The following BBOF1 variants were observed in gnomAD, a reference collection of about 807,000 sequenced individuals.
The protein encoded by BBOF1 is basal body orientation factor 1, also known as basal body-orientation factor 1.
A neutral mutation model predicts 68.0 loss-of-function variants in BBOF1; 62 were observed. The observed-to-expected ratio is 0.91, with a 90% CI of 0.74 to 1.13. The LOEUF is 1.13. Ranked by LOEUF, BBOF1 falls within the 50% of genes most tolerant of loss-of-function variation. BBOF1 has a pLI of 0.00. For missense variants in BBOF1, 534 were observed against 600.1 expected (o/e 0.89, Z 1.15); for synonymous variants, 208 against 198.8 (o/e 1.05, Z -0.39).
intron 11 of BBOF1, chr14:74,060,484 C>G: frequency 2.9e-6 from 2 of 683,606 alleles, no homozygotes; most frequent in South Asian, 3.1e-5. Context: ...TAGGCAGTTC[C>G]CTATAGAAAC....
intron 3 of BBOF1, among the ~76,000 whole-genome samples, chr14:74,033,141 G>A (rs913328728): frequency 2.6e-5 from 4 of 152,168 alleles, no homozygotes; most frequent in Non-Finnish European, 5.9e-5. Flanking sequence ...GAGATAAAAG[G>A]TGTGTTAGGT....
intron 9 of BBOF1, among the ~76,000 whole-genome samples, chr14:74,076,173 T>G (rs1348878606): frequency 2.0e-5 from 3 of 152,230 alleles, no homozygotes; most frequent in South Asian, 2.1e-4. Context: ...CTGCATACTT[T>G]AAATATGTAC....
At chr14:74,056,033 T>C (rs2060192744) in intron 9 of BBOF1, among the ~76,000 whole-genome samples, 1 of 135,736 alleles carries the variant, frequency 7.4e-6, no homozygotes, top group African/African-American at 2.9e-5. Flanking sequence ...CAAAGATAAG[T>C]ATTTTTTTTT....
In BBOF1 at chr14:74,039,497, C is replaced by T. The variant is rs186682409; in HGVS notation, c.496-1068C>T. ...AGGTTGGAGTGCAATGATGCAATCT[C>T]GGCTTACTGCAACTTCTGCCTCCTG... On this transcript the variant is annotated intron_variant, in intron 4 of 11. Coordinates refer to ENST00000394009, the MANE Select transcript of BBOF1 (RefSeq NM_025057.3). Among the ~76,000 whole-genome samples the T allele has an allele frequency of 7.2e-5, 11 of 152,132 alleles. No homozygotes were observed. The East Asian group carries it at 1.2e-3, about 16-fold the overall frequency.
intron 5 of BBOF1, among the ~76,000 whole-genome samples, chr14:74,045,338 T>G (rs2059925993): frequency 6.6e-6 from 1 of 152,160 alleles, no homozygotes; most frequent in Admixed American, 6.5e-5. Flanking sequence ...GAGATGGAGT[T>G]TCACTCTTGT....
chr14:74,033,909 A>G, intron 3 of BBOF1, 119 bp from the exon 4 acceptor site: 1 of 510,126 alleles, frequency 2.0e-6, no homozygotes, highest in East Asian at 3.8e-5. Flanking sequence ...TAAAAATAGA[A>G]AAAAGGGGGG....
intron 8 of BBOF1, among the ~76,000 whole-genome samples, 168 bp downstream of exon 8, chr14:74,050,363 A>T (rs575871902): frequency 3.3e-5 from 5 of 152,314 alleles, no homozygotes; most frequent in African/African-American, 7.2e-5. Flanking sequence ...CTCTAGGCTT[A>T]GCATAGCATG....
downstream of BBOF1, among the ~76,000 whole-genome samples, chr14:74,070,518 CA>C (rs537782352): frequency 6.6e-6 from 1 of 151,496 alleles, no homozygotes; most frequent in Non-Finnish European, 1.5e-5. Flanking sequence ...GACTCCATCT[CA>C]AAAAAAAGAA....
intron 9 of BBOF1, among the ~76,000 whole-genome samples, chr14:74,073,001 T>C (rs980868913): frequency 1.3e-5 from 2 of 152,240 alleles, no homozygotes; most frequent in African/African-American, 2.4e-5. Context: ...GGTTTCACCA[T>C]GTCGGCCAGA....
chr14:74,043,584 A>C lies in BBOF1; in HGVS notation c.577-2476A>C, dbSNP rs1342623088. Among the ~76,000 whole-genome samples the C allele has an allele frequency of 4.8e-3, 694 of 143,108 alleles. 6 individuals carry two copies. Among genetic ancestry groups the C allele is most frequent in the Middle Eastern group, 0.012 (3 of 246 alleles). 93.9% of individuals were successfully genotyped at this position (143,108 alleles called of 152,430 possible). A position where few individuals can be genotyped will look rare whatever the true frequency, so the allele number is the denominator to read the frequency against. ...AAAAAAAAAAAAAAAAAAAAAAAAA[A>C]GACAGAGTCTCACTTTGTCACCTAG... On this transcript the variant is annotated intron_variant, in intron 5 of 11. Coordinates refer to ENST00000394009, the MANE Select transcript of BBOF1 (RefSeq NM_025057.3).
At chr14:74,077,010 G>C (rs1393549581) in intron 9 of BBOF1, among the ~76,000 whole-genome samples, 1 of 152,140 alleles carries the variant, frequency 6.6e-6, no homozygotes, top group African/African-American at 2.4e-5. Context: ...GCTGCATGAA[G>C]GGTGCCTGCA....
intron 9 of BBOF1, among the ~76,000 whole-genome samples, chr14:74,076,520 C>G (rs1335813314): frequency 1.3e-5 from 2 of 151,902 alleles, no homozygotes; most frequent in Non-Finnish European, 2.9e-5. Flanking sequence ...TGCCACCACG[C>G]CCAGCTAATT....
intron 9 of BBOF1, among the ~76,000 whole-genome samples, chr14:74,077,468 C>T (rs964642084): frequency 1.2e-4 from 19 of 152,162 alleles, no homozygotes; most frequent in African/African-American, 4.3e-4. Flanking sequence ...ATGGCTCTAG[C>T]TTCTGGCGAG....
At chr14:74,050,366 A>AATCTC (rs1194977234) in intron 8 of BBOF1, among the ~76,000 whole-genome samples, 171 bp downstream of exon 8, 1 of 152,206 alleles carries the variant, frequency 6.6e-6, no homozygotes, top group African/African-American at 2.4e-5. Flanking sequence ...TAGGCTTAGC[A>AATCTC]TAGCATGTGG....
At position 74,034,076 on chromosome 14, in the gene BBOF1, CA is replaced by C. The variant is rs1456367734; in HGVS notation, c.405del (p.Ala136ProfsTer6). 1 of 1,607,966 alleles carries C rather than the reference CA, an allele frequency of 6.2e-7. No homozygotes were observed. The highest frequency in any genetic ancestry group is 1.7e-5 in the Admixed American group (1 of 59,024). On this transcript the variant is annotated frameshift_variant, in exon 4 of 12. Transcript: ENST00000394009. LOFTEE classifies it high-confidence loss of function. ...TAATGAACTAGAGGGACAGTTCCAT[CA>C]AAAAGCCAAAGAAATTGGCATGATT... ...QINELEGQFH[Q>X]KAKEIGMIHT...
At chr14:74,034,206 A>G (rs757520585) in intron 4 of BBOF1, 35 bp downstream of exon 4, 2 of 1,426,598 alleles carry the variant, frequency 1.4e-6, no homozygotes, top group South Asian at 1.5e-5. Flanking sequence ...AAAGGAAATT[A>G]GAATTAACTA....
chr14:74,026,444 CAAAAAAAAAA>C (rs1166375665), intron 2 of BBOF1, among the ~76,000 whole-genome samples: 2 of 33,084 alleles, frequency 6.0e-5, no homozygotes, highest in Non-Finnish European at 1.2e-4. Context: ...AACTCCATCT[CAAAAAAAAAA>C]AAAAAAAAAA....
At chr14:74,064,359 A>G (rs2060422745) in intron 11 of BBOF1, among the ~76,000 whole-genome samples, 1 of 152,070 alleles carries the variant, frequency 6.6e-6, no homozygotes, top group Non-Finnish European at 1.5e-5. Flanking sequence ...GAACGTGCTC[A>G]ACAACATTTT....
intron 11 of BBOF1, chr14:74,060,875 AT>A: frequency 1.4e-6 from 1 of 705,662 alleles, no homozygotes; most frequent in South Asian, 1.6e-5. Flanking sequence ...TCAGAATCCA[AT>A]ATATATTGTT....
Sources: gnomAD v4.1 joint callset for allele counts (sites outside exome capture counted in the v4.1 genomes callset) on GRCh38, gnomAD v4.1.1 for gene constraint, MANE v1.5 for transcripts, NCBI Gene and HGNC (gene_info 2026-07-23, HGNC 2026-07-21) for gene names.